RGS6: variants seen among roughly 807,000 people sequenced by gnomAD.
RGS6 encodes regulator of G-protein signaling 6.
RGS6 carries 30 observed loss-of-function variants against 78.5 expected under a neutral mutation model. That is an observed-to-expected ratio of 0.38 (90% CI 0.29 to 0.52). The LOEUF (loss-of-function observed/expected upper bound fraction) is 0.52. RGS6 is among the 20% of genes least tolerant of loss of function. The pLI is 0.85. For synonymous variants in RGS6, 206 were observed against 206.0 expected, an observed-to-expected ratio of 1.00 and a Z score of 0.00; for missense variants, 495 against 609.7, an observed-to-expected ratio of 0.81 and a Z score of 1.98.
chr14:72,541,474 T>G lies in RGS6; in HGVS notation c.1422+1380T>G. The stretch of plus-strand genomic sequence containing the variant: ...CCTTTCCTCATGAGAAATCAGAATG[T>G]GCAGAACACAAGGCCTGCGGGTGCC... On this transcript the variant is annotated intron_variant, in intron 17 of 17. Transcript: ENST00000553525. The G allele has an allele frequency of 2.6e-6, 4 of 1,535,736 alleles. 1 individual carries two copies. The highest frequency in any genetic ancestry group is 3.5e-6 in the Non-Finnish European group (4 of 1,146,910).
chr14:72,495,123 G>T, intron 12 of RGS6, 29 bp from the exon 13 acceptor site: 1 of 1,236,394 alleles, frequency 8.1e-7, no homozygotes, highest in South Asian at 1.2e-5. Context: ...GAAATCAGTG[G>T]CATTCTTTGC....
chr14:72,019,902 G>A (rs144055682), intron 2 of RGS6, among the ~76,000 whole-genome samples: 60 of 152,232 alleles, frequency 3.9e-4, no homozygotes, highest in Middle Eastern at 3.4e-3. Flanking sequence ...ATATTAGCTC[G>A]GCCCTTGTGA....
At chr14:72,404,368 T>G (rs2092736698) in intron 3 of RGS6, among the ~76,000 whole-genome samples, 1 of 152,194 alleles carries the variant, frequency 6.6e-6, no homozygotes, top group African/African-American at 2.4e-5. Flanking sequence ...TGCTGAAGTT[T>G]GTCCAATGTG....
chr14:72,591,000 T>C, the RGS6 span, among the ~76,000 whole-genome samples: 1 of 152,206 alleles, frequency 6.6e-6, no homozygotes, highest in Non-Finnish European at 1.5e-5. Context: ...CATTAAAAAA[T>C]ACATTTAAAA....
intron 2 of RGS6, among the ~76,000 whole-genome samples, chr14:72,193,512 C>T (rs1487081499): frequency 6.6e-6 from 1 of 152,160 alleles, no homozygotes; most frequent in African/African-American, 2.4e-5. Context: ...TACTTCTGGA[C>T]CCTTGGGATA....
At chr14:72,381,316 A>G (rs1302809130) in intron 3 of RGS6, among the ~76,000 whole-genome samples, 1 of 152,136 alleles carries the variant, frequency 6.6e-6, no homozygotes. Context: ...TTCAACACAA[A>G]AAAAGATAAA....
chr14:72,197,485 A>G (rs1169673607), intron 2 of RGS6, among the ~76,000 whole-genome samples: 2 of 152,228 alleles, frequency 1.3e-5, no homozygotes, highest in East Asian at 1.9e-4. Flanking sequence ...CGAGGGATAC[A>G]CAAGAACACT....
intron 2 of RGS6, among the ~76,000 whole-genome samples, chr14:72,350,804 G>A (rs2681753): frequency 0.53 from 80,041 of 151,966 alleles, 23,416 homozygotes; most frequent in African/African-American, 0.8. Context: ...GTTTCTTTAT[G>A]TGAAAAAATG....
the RGS6 span, among the ~76,000 whole-genome samples, chr14:71,888,111 G>T: frequency 6.6e-6 from 1 of 152,076 alleles, no homozygotes; most frequent in African/African-American, 2.4e-5. Context: ...AAGAACCTAC[G>T]TTGAAATATT....
At chr14:72,398,101 G>C (rs1162893731) in intron 3 of RGS6, among the ~76,000 whole-genome samples, 1 of 151,668 alleles carries the variant, frequency 6.6e-6, no homozygotes, top group African/African-American at 2.4e-5. Flanking sequence ...TTTTTCTATT[G>C]ATTGGAATAG....
At chr14:72,190,703 TG>T (rs2097312526) in intron 2 of RGS6, among the ~76,000 whole-genome samples, 1 of 152,230 alleles carries the variant, frequency 6.6e-6, no homozygotes, top group South Asian at 2.1e-4. Flanking sequence ...GGAGATACAA[TG>T]CAAGGGCTGA....
At chr14:72,614,128 C>T in the RGS6 span, among the ~76,000 whole-genome samples, 108 of 152,258 alleles carry the variant, frequency 7.1e-4, no homozygotes, top group Non-Finnish European at 1.0e-3. Context: ...GGCTGGTGGC[C>T]GTGGCCTCTG....
At chr14:71,927,914 TC>T (rs2087741757), upstream of RGS6, among the ~76,000 whole-genome samples, 1 of 152,134 alleles carries the variant, frequency 6.6e-6, no homozygotes, top group African/African-American at 2.4e-5. Context: ...CGTCTCGGCC[TC>T]CCAAAGTGCT....
intron 3 of RGS6, among the ~76,000 whole-genome samples, chr14:72,400,181 C>G (rs1268908189): frequency 6.6e-6 from 1 of 152,228 alleles, no homozygotes; most frequent in African/African-American, 2.4e-5. Flanking sequence ...AGACTAACAG[C>G]TGATCTCTTG....
rs1388552176 is a variant in RGS6 at position 71,932,683 on chromosome 14, G to T, written c.-279G>T. 6.6e-6 allele frequency: 1 copy of T among 152,206 alleles called. No individual in the cohort carries two copies. Among genetic ancestry groups the T allele is most frequent in the African/African-American group, 2.4e-5 (1 of 41,450 alleles). The allele number at this position is 152,206 out of a possible 1,614,324, so 9.4% of individuals were successfully genotyped here. ...CCCGAGTCCCGGCACCATGCGACCC[G>T]CCGCGCGTCCTCGCGGGCCCGGGGC... is the stretch of plus-strand genomic sequence containing the variant. On this transcript the variant is annotated 5_prime_UTR_variant, in exon 1 of 18. Coordinates refer to ENST00000553525, the MANE Select transcript of RGS6 (RefSeq NM_001204424.2).
chr14:72,157,161 G>T lies in RGS6; in HGVS notation c.84+192286G>T, dbSNP rs752666949. Reference sequence around the variant, plus strand: ...GATGTCTCTAAAGAACTCTCTCTGGGTTCCTTAGAGAAAAATAACATTTGA... The same window carrying T: ...GATGTCTCTAAAGAACTCTCTCTGGTTTCCTTAGAGAAAAATAACATTTGA... On this transcript the variant is annotated intron_variant, in intron 2 of 17. Coordinates refer to ENST00000553525, the MANE Select transcript of RGS6 (RefSeq NM_001204424.2). Among the ~76,000 whole-genome samples the T allele has an allele frequency of 2.6e-5, 4 of 152,170 alleles. No individual in the cohort carries two copies. The East Asian group carries it at 7.7e-4, about 29-fold the overall frequency.
chr14:72,247,230 T>C (rs1156991762), intron 2 of RGS6, among the ~76,000 whole-genome samples: 1 of 152,198 alleles, frequency 6.6e-6, no homozygotes, highest in African/African-American at 2.4e-5. Flanking sequence ...AATACTTTTT[T>C]TCCCAAGATA....
chr14:72,361,690 G>A (rs1048653476), intron 3 of RGS6, among the ~76,000 whole-genome samples: 1 of 152,182 alleles, frequency 6.6e-6, no homozygotes, highest in Non-Finnish European at 1.5e-5. Context: ...AATCACTACT[G>A]GGGGAGTGTT....
chr14:72,474,293 C>T (rs1182464913), intron 9 of RGS6, among the ~76,000 whole-genome samples: 1 of 152,134 alleles, frequency 6.6e-6, no homozygotes. Flanking sequence ...AGCTACTCAT[C>T]CTGATATCGT....
Sources: gnomAD v4.1 joint callset for allele counts (sites outside exome capture counted in the v4.1 genomes callset) on GRCh38, gnomAD v4.1.1 for gene constraint, MANE v1.5 for transcripts, NCBI Gene and HGNC (gene_info 2026-07-23, HGNC 2026-07-21) for gene names.